The following TEC variants were observed in gnomAD, a reference collection of about 807,000 sequenced individuals.
The protein encoded by TEC is tyrosine-protein kinase Tec.
Under a neutral mutation model 93.0 loss-of-function variants are expected in TEC, and 72 were observed. The ratio of observed to expected loss-of-function variants is 0.77; its 90% CI spans 0.64 to 0.94. TEC has a LOEUF of 0.94. Among genes scored for constraint, TEC ranks in the 40% least tolerant of loss-of-function variants. TEC has a pLI of 0.00. For synonymous variants in TEC, 249 were observed against 247.7 expected, an observed-to-expected ratio of 1.01 and a Z score of -0.05; for missense variants, 630 against 757.9, an observed-to-expected ratio of 0.83 and a Z score of 1.98.
intron 2 of TEC, among the ~76,000 whole-genome samples, chr4:48,224,830 G>T (rs1427382035): frequency 6.6e-6 from 1 of 152,206 alleles, no homozygotes; most frequent in African/African-American, 2.4e-5. Flanking sequence ...AGAAAAGCTT[G>T]CTGTCATCAT....
chr4:48,234,758 G>A (rs745718469), intron 1 of TEC, among the ~76,000 whole-genome samples: 1 of 152,150 alleles, frequency 6.6e-6, no homozygotes, highest in Non-Finnish European at 1.5e-5. Context: ...ATGCTCCCGT[G>A]TGGGTGGGGG....
chr4:48,162,267 C>T (rs1720702682), intron 8 of TEC, among the ~76,000 whole-genome samples: 1 of 152,172 alleles, frequency 6.6e-6, no homozygotes, highest in South Asian at 2.1e-4. Flanking sequence ...AGTGGCACTC[C>T]CACGCTGGAG....
chr4:48,258,067 TC>T (rs757952917), intron 1 of TEC, among the ~76,000 whole-genome samples: 6 of 152,108 alleles, frequency 3.9e-5, no homozygotes, highest in Non-Finnish European at 8.8e-5. Context: ...TATCTGAATC[TC>T]TTTCTTGAAA....
At chr4:48,176,054 G>A (rs1258594894) in intron 3 of TEC, 28 bp downstream of exon 3, 2 of 1,545,990 alleles carry the variant, frequency 1.3e-6, no homozygotes, top group Non-Finnish European at 8.9e-7. Flanking sequence ...GCCCAGCACT[G>A]CACTGCCACA....
intron 11 of TEC, among the ~76,000 whole-genome samples, chr4:48,147,835 C>G (rs949497657): frequency 1.3e-5 from 2 of 152,124 alleles, no homozygotes; most frequent in Admixed American, 6.6e-5. Context: ...TGTGCAATTA[C>G]TATGTGTCAA....
intron 8 of TEC, among the ~76,000 whole-genome samples, chr4:48,160,770 A>AG (rs1280622477): frequency 4.1e-4 from 59 of 142,376 alleles, no homozygotes; most frequent in South Asian, 9.6e-4. Flanking sequence ...AGAAAAGAAA[A>AG]AAAGAAAGAA....
At chr4:48,173,808 G>C (rs1313523176) in intron 3 of TEC, among the ~76,000 whole-genome samples, 1 of 152,086 alleles carries the variant, frequency 6.6e-6, no homozygotes, top group African/African-American at 2.4e-5. Context: ...CCAGCTCCTG[G>C]GGATCTCCCA....
chr4:48,138,755 C>T lies in TEC; in HGVS notation c.1722G>A (p.Val574=), dbSNP rs1359439164. 4 of 1,614,018 alleles carry T rather than the reference C, an allele frequency of 2.5e-6. No individual in the cohort carries two copies. Among genetic ancestry groups the T allele is most frequent in the Middle Eastern group, 1.6e-4 (1 of 6,084 alleles). Residue 574 remains valine (V), a synonymous_variant, in exon 17 of 18, where the codon GTG becomes GTA. Coordinates refer to ENST00000381501, the MANE Select transcript of TEC (RefSeq NM_003215.3). ...MPFEKYTNYE[V]VTMVTRGHRL... ...GGTGGCCTCGAGTAACCATGGTTACCACTTCATAATTGGTGTATTTTTCAA... is the reference window on the plus strand; with the variant it reads ...GGTGGCCTCGAGTAACCATGGTTACTACTTCATAATTGGTGTATTTTTCAA...
rs577126489 is a variant in TEC, at chr4:48,148,903, T to A, written c.1006+654A>T. Reference sequence around the variant, plus strand: ...TGTATTCCTATTATTTAGCTTCCACTTATAAGAGAGACCATGTAGTATTTG... The same window carrying A: ...TGTATTCCTATTATTTAGCTTCCACATATAAGAGAGACCATGTAGTATTTG... On this transcript the variant is annotated intron_variant, in intron 11 of 17. Coordinates refer to ENST00000381501, the MANE Select transcript of TEC (RefSeq NM_003215.3). 2.0e-5 allele frequency among the ~76,000 whole-genome samples: 3 copies of A among 150,366 alleles called. No homozygotes were observed. The South Asian group carries it at 6.3e-4, about 32-fold the overall frequency.
chr4:48,211,405 G>T (rs746271604), intron 2 of TEC, among the ~76,000 whole-genome samples: 23 of 100,922 alleles, frequency 2.3e-4, no homozygotes, highest in Non-Finnish European at 4.2e-4. Context: ...ATCACTCTGA[G>T]GTTCAAAAAA....
At chr4:48,141,540 C>T in intron 14 of TEC, 121 bp from the exon 15 acceptor site, 3 of 941,600 alleles carry the variant, frequency 3.2e-6, no homozygotes, top group Non-Finnish European at 4.8e-6. Flanking sequence ...AGAGTGGAAA[C>T]ACCCTTTAAT....
intron 9 of TEC, among the ~76,000 whole-genome samples, chr4:48,154,970 AC>A (rs1164999160): frequency 6.6e-6 from 1 of 152,220 alleles, no homozygotes; most frequent in African/African-American, 2.4e-5. Context: ...TCAGGGCAAA[AC>A]TGAAGCAGGT....
chr4:48,142,316 C>G (rs138972385), intron 14 of TEC, among the ~76,000 whole-genome samples: 7,577 of 151,876 alleles, frequency 0.05, 247 homozygotes, highest in Middle Eastern at 0.12. Flanking sequence ...ACTAAAAATA[C>G]AAAAAAAATT....
intron 2 of TEC, among the ~76,000 whole-genome samples, chr4:48,221,729 T>C (rs1475218761): frequency 1.3e-5 from 2 of 152,164 alleles, no homozygotes; most frequent in Non-Finnish European, 2.9e-5. Context: ...CCTCTGGTGC[T>C]TCTGCCCTCC....
At chr4:48,263,606 C>T (rs188930277) in intron 1 of TEC, among the ~76,000 whole-genome samples, 2 of 152,108 alleles carry the variant, frequency 1.3e-5, no homozygotes, top group African/African-American at 4.8e-5. Flanking sequence ...CCCAGCTACT[C>T]GGGAGGCTGA....
chr4:48,261,479 T>G (rs187460157), intron 1 of TEC, among the ~76,000 whole-genome samples: 8 of 152,340 alleles, frequency 5.3e-5, no homozygotes, highest in Admixed American at 1.3e-4. Flanking sequence ...GTTTCATTTT[T>G]GGGGCAGTCA....
At chr4:48,230,075 C>CAAT (rs71654901) in intron 1 of TEC, among the ~76,000 whole-genome samples, 20,594 of 146,844 alleles carry the variant, frequency 0.14, 1,850 homozygotes, top group Non-Finnish European at 0.2. Flanking sequence ...AACTCCGTCT[C>CAAT]AATAATAATA....
chr4:48,186,382 T>A (rs1263851767), intron 2 of TEC, among the ~76,000 whole-genome samples: 3 of 140,422 alleles, frequency 2.1e-5, no homozygotes, highest in Non-Finnish European at 3.1e-5. Flanking sequence ...GAGCGCCTCT[T>A]CCCGGCCGCC....
At chr4:48,209,277 A>G (rs1722815468) in intron 2 of TEC, among the ~76,000 whole-genome samples, 1 of 152,158 alleles carries the variant, frequency 6.6e-6, no homozygotes, top group African/African-American at 2.4e-5. Flanking sequence ...ATAGAAAACT[A>G]TGTCTCTATG....
Sources: gnomAD v4.1 joint callset for allele counts (sites outside exome capture counted in the v4.1 genomes callset) on GRCh38, gnomAD v4.1.1 for gene constraint, MANE v1.5 for transcripts, NCBI Gene and HGNC (gene_info 2026-07-23, HGNC 2026-07-21) for gene names.